DNAH17: variants seen among roughly 807,000 people sequenced by gnomAD.
The protein encoded by DNAH17 is dynein axonemal heavy chain 17, also known as axonemal beta dynein heavy chain 17.
Under a neutral mutation model 485.6 loss-of-function variants are expected in DNAH17, and 376 were observed. The observed-to-expected ratio is 0.77, with a 90% CI of 0.71 to 0.84. The LOEUF (loss-of-function observed/expected upper bound fraction) is 0.84. DNAH17 is among the 40% of genes least tolerant of loss of function. DNAH17 has a pLI of 0.00. For synonymous variants in DNAH17, 3,031 were observed against 2,405.9 expected (o/e 1.26, Z -7.60); for missense variants, 6,370 against 5,839.3 (o/e 1.09, Z -2.96).
intron 50 of DNAH17, 68 bp downstream of exon 50, chr17:78,479,417 G>A (rs926818890): frequency 3.3e-6 from 5 of 1,492,856 alleles, no homozygotes; most frequent in Non-Finnish European, 4.5e-6. Flanking sequence ...GGGAAAATGT[G>A]AAGAACCATC....
intron 54 of DNAH17, chr17:78,472,896 C>CA (rs1240377564): frequency 5.9e-6 from 2 of 336,770 alleles, no homozygotes; most frequent in Non-Finnish European, 6.1e-6. Flanking sequence ...AGAACACTAC[C>CA]ACATCCTGCC....
Position 78,571,264 on chromosome 17 carries a change from G to A in DNAH17, c.832+15C>T, listed in dbSNP as rs1487183575. 5.0e-6 allele frequency: 8 copies of A among 1,605,728 alleles called. No homozygotes were observed. In the African/African-American group the frequency reaches 8.0e-5, roughly 16 times the overall value. On this transcript the variant is annotated intron_variant, in intron 5 of 80. Transcript: ENST00000389840. ...ACAGCTTCGTGCAGAACTCATGACA[G>A]GGTCACAGGCTCACCTTCAGTGACG...
chr17:78,444,059 A>G (rs915522007), intron 71 of DNAH17, among the ~76,000 whole-genome samples: 3 of 152,228 alleles, frequency 2.0e-5, no homozygotes, highest in African/African-American at 7.2e-5. Flanking sequence ...GTGAAATCAG[A>G]ACAGTTCTCT....
At chr17:78,571,450 G>C in intron 4 of DNAH17, 72 bp from the exon 5 acceptor site, 1 of 1,486,680 alleles carries the variant, frequency 6.7e-7, no homozygotes. Flanking sequence ...CTGACCTTGT[G>C]GCTGGCTGGA....
chr17:78,536,557 C>T (rs929270239), intron 19 of DNAH17, among the ~76,000 whole-genome samples: 1 of 151,766 alleles, frequency 6.6e-6, no homozygotes, highest in South Asian at 2.1e-4. Flanking sequence ...GATGCATGCT[C>T]GTAATCCCAG....
At chr17:78,571,139 GC>G (rs1273565590) in intron 5 of DNAH17, 106 bp from the exon 6 acceptor site, 1 of 1,292,666 alleles carries the variant, frequency 7.7e-7, no homozygotes, top group African/African-American at 1.5e-5. Context: ...AGGAAATGGG[GC>G]CTTTCTCAAG....
intron 60 of DNAH17, 77 bp downstream of exon 60, chr17:78,459,707 C>T: frequency 6.5e-7 from 1 of 1,539,014 alleles, no homozygotes; most frequent in East Asian, 2.3e-5. Context: ...TGAGGCCATG[C>T]TTCACCTCAG....
intron 25 of DNAH17, among the ~76,000 whole-genome samples, chr17:78,523,842 G>A (rs2090995461): frequency 6.6e-6 from 1 of 152,240 alleles, no homozygotes; most frequent in African/African-American, 2.4e-5. Context: ...CCAGGAGGCA[G>A]AGGTTGCAGT....
chr17:78,510,481 G>C lies in DNAH17; in HGVS notation c.4139C>G (p.Thr1380Arg). 1 of 1,613,850 alleles carries C rather than the reference G, an allele frequency of 6.2e-7. No individual in the cohort carries two copies. Among genetic ancestry groups the C allele is most frequent in the Non-Finnish European group, 8.5e-7 (1 of 1,179,834 alleles). The change falls in exon 27 of 81, where the codon ACG becomes AGG. Residue 1380 changes from threonine to arginine, a missense_variant. By Grantham distance (71) the Thr-to-Arg change is moderately conservative (BLOSUM62 -1). Transcript: ENST00000389840. ...TQVKFKMSEE[T>R]TLADLLQLNL... is the part of the protein sequence containing the mutation. ...CAGCTGCAGTAAATCTGCCAGGGTC[G>C]TCTCTTCTGACATTTTAAATTTCAC... is the stretch of plus-strand genomic sequence containing the variant.
intron 33 of DNAH17, 66 bp downstream of exon 33, chr17:78,502,525 C>A: frequency 1.4e-6 from 2 of 1,434,664 alleles, no homozygotes; most frequent in Non-Finnish European, 1.9e-6. Flanking sequence ...GAAGGATACA[C>A]GGGCCCATGC....
rs142673519 is a variant in DNAH17 at position 78,450,739 on chromosome 17, C to G, written c.10842G>C (p.Thr3614=). 1.2e-5 allele frequency: 20 copies of G among 1,613,994 alleles called. No homozygotes were observed. In the South Asian group the frequency reaches 2.0e-4, roughly 16 times the overall value. ...TGGTCTCCAGATTCTCCACCAAGGCCGTGTCTCCCAGAAAGTTCCCCGACG... is the reference window on the plus strand; with the variant it reads ...TGGTCTCCAGATTCTCCACCAAGGCGGTGTCTCCCAGAAAGTTCCCCGACG... ...SAASGNFLGD[T]ALVENLETTK... The change falls in exon 67 of 81, where the codon ACG becomes ACC. Residue 3614 remains threonine (T), a synonymous_variant. Transcript: ENST00000389840.
At position 78,510,410 on chromosome 17, in the gene DNAH17, C is replaced by A. The variant is rs1284334744; in HGVS notation, c.4210G>T (p.Ala1404Ser). 1.9e-6 allele frequency: 3 copies of A among 1,613,268 alleles called. No homozygotes were observed. The highest frequency in any genetic ancestry group is 2.5e-6 in the Non-Finnish European group (3 of 1,179,728). The change falls in exon 27 of 81, where the codon GCC becomes TCC. Residue 1404 changes from alanine (A) to serine (S), a missense_variant. Coordinates refer to ENST00000389840, the MANE Select transcript of DNAH17 (RefSeq NM_173628.4). ...TTTTCCATGCCCGACTCCTTCACGG[C>A]CTTGTCCACGATGTTGCGGACCTCA... ...EDEVRNIVDK[A>S]VKESGMEKVL...
chr17:78,544,261 C>T (rs1038547564), intron 16 of DNAH17, among the ~76,000 whole-genome samples: 2 of 152,196 alleles, frequency 1.3e-5, no homozygotes, highest in Non-Finnish European at 1.5e-5. Flanking sequence ...ATGTTTCACT[C>T]AACTGGGCCA....
chr17:78,551,488 C>G, intron 16 of DNAH17, 47 bp downstream of exon 16: 1 of 1,579,364 alleles, frequency 6.3e-7, no homozygotes, highest in Non-Finnish European at 8.7e-7. Context: ...CCCAGGGCAG[C>G]CCCAGGCCCC....
chr17:78,530,463 G>C lies in DNAH17; in HGVS notation c.3164C>G (p.Thr1055Ser), dbSNP rs1264100252. 6.2e-7 allele frequency: 1 copy of C among 1,613,416 alleles called. No homozygotes were observed. Among genetic ancestry groups the C allele is most frequent in the East Asian group, 2.2e-5 (1 of 44,874 alleles). The part of the protein sequence containing the change: ...LYEEVSKCEN[T>S]KVFHGWLQCD... ...CTGCAGCCAGCCGTGGAACACCTTG[G>C]TGTTCTCGCACTTGGACACCTCCTC... is the stretch of plus-strand genomic sequence containing the variant. Residue 1055 changes from threonine to serine, a missense_variant, in exon 21 of 81, where the codon ACC (threonine) becomes AGC (serine). By Grantham distance (58) the Thr-to-Ser change is moderately conservative. Transcript: ENST00000389840.
intron 68 of DNAH17, 127 bp from the exon 69 acceptor site, chr17:78,449,711 T>C (rs2087465753): frequency 1.0e-6 from 1 of 990,934 alleles, no homozygotes; most frequent in South Asian, 1.6e-5. Flanking sequence ...AGAGTCTTGC[T>C]CTGTCGCCCA....
At position 78,451,531 on chromosome 17, in the gene DNAH17, G is replaced by A. The variant is rs529411876; in HGVS notation, c.10672C>T (p.Leu3558Phe). The change falls in exon 66 of 81, where the codon CTC becomes TTC. Residue 3558 changes from leucine to phenylalanine, a missense_variant. Leu to Phe is a conservative substitution (Grantham distance 22). Coordinates refer to ENST00000389840, the MANE Select transcript of DNAH17 (RefSeq NM_173628.4). The part of the protein sequence containing the change: ...LINFLVTRDG[L>F]EDQLLAAVVA... Reference sequence around the variant, plus strand: ...ACAGCGGCCAAGAGTTGGTCCTCGAGTCCATCCCTGGTGACCAGGAAGTTG... The same window carrying A: ...ACAGCGGCCAAGAGTTGGTCCTCGAATCCATCCCTGGTGACCAGGAAGTTG... 2 of 1,613,850 alleles carry A rather than the reference G, an allele frequency of 1.2e-6. No homozygotes were observed. The highest frequency in any genetic ancestry group is 1.7e-5 in the Admixed American group (1 of 60,006).
At chr17:78,441,988 C>T (rs979087508) in intron 71 of DNAH17, among the ~76,000 whole-genome samples, 7 of 151,854 alleles carry the variant, frequency 4.6e-5, no homozygotes, top group Admixed American at 1.3e-4. Flanking sequence ...GAGGCTGAGG[C>T]AGGAGAATCT....
chr17:78,455,842 G>A lies in DNAH17; in HGVS notation c.9978-6C>T. On this transcript the variant is annotated splice_region_variant and splice_polypyrimidine_tract_variant and intron_variant, in intron 62 of 80. Coordinates refer to ENST00000389840, the MANE Select transcript of DNAH17 (RefSeq NM_173628.4). ...ATGCTAATCCCCCGACCAGCCTAAAGTGGGATGAGAGAGAATAAAACATAT... is the reference window on the plus strand; with the variant it reads ...ATGCTAATCCCCCGACCAGCCTAAAATGGGATGAGAGAGAATAAAACATAT... The A allele has an allele frequency of 6.3e-7, 1 of 1,587,936 alleles. No homozygotes were observed. The highest frequency in any genetic ancestry group is 8.6e-7 in the Non-Finnish European group (1 of 1,166,350).
Sources: allele counts gnomAD v4.1 joint callset (sites outside exome capture counted in the v4.1 genomes callset), GRCh38; gene constraint gnomAD v4.1.1; transcripts MANE v1.5; gene names NCBI Gene and HGNC (gene_info 2026-07-23, HGNC 2026-07-21).